EIF3H: variants seen among roughly 807,000 people sequenced by gnomAD.
EIF3H encodes the protein eukaryotic translation initiation factor 3 subunit H, also known as eIF-3-gamma.
Under a neutral mutation model 44.2 loss-of-function variants are expected in EIF3H, and 26 were observed. The ratio of observed to expected loss-of-function variants is 0.59; its 90% CI spans 0.43 to 0.82. The LOEUF is 0.82. Among genes scored for constraint, EIF3H ranks in the 40% least tolerant of loss-of-function variants. The pLI is 0.00. For synonymous variants in EIF3H, 166 were observed against 151.9 expected (o/e 1.09, Z -0.68); for missense variants, 359 against 432.8 (o/e 0.83, Z 1.51).
At chr8:116,760,314 T>C (rs1315812584), upstream of EIF3H, among the ~76,000 whole-genome samples, 2 of 152,238 alleles carry the variant, frequency 1.3e-5, no homozygotes, top group Non-Finnish European at 2.9e-5. Context: ...ATTAGCCTCA[T>C]TGAGATCAAT....
intron 2 of EIF3H, among the ~76,000 whole-genome samples, chr8:116,678,037 C>G (rs1348937677): frequency 6.6e-6 from 1 of 152,104 alleles, no homozygotes; most frequent in African/African-American, 2.4e-5. Context: ...CCTCTGATGC[C>G]GAGCCAAAGC....
At chr8:116,655,631 T>A (rs1813475907) in intron 5 of EIF3H, among the ~76,000 whole-genome samples, 1 of 152,190 alleles carries the variant, frequency 6.6e-6, no homozygotes, top group Non-Finnish European at 1.5e-5. Flanking sequence ...GTTCTTCTAA[T>A]ATGAGCAATT....
At chr8:116,743,234 T>C (rs113289393) in intron 1 of EIF3H, among the ~76,000 whole-genome samples, 7 of 151,958 alleles carry the variant, frequency 4.6e-5, no homozygotes, top group African/African-American at 1.7e-4. Context: ...GGGATCACCT[T>C]AAGGCCAGGA....
chr8:116,659,067 TC>T (rs1486982263), intron 2 of EIF3H, 87 bp from the exon 3 acceptor site: 5 of 1,133,436 alleles, frequency 4.4e-6, no homozygotes, highest in Non-Finnish European at 6.1e-6. Flanking sequence ...GAAACAAATG[TC>T]TACATAACAA....
chr8:116,673,815 T>TA (rs1267543537), intron 2 of EIF3H, among the ~76,000 whole-genome samples: 14 of 152,104 alleles, frequency 9.2e-5, no homozygotes, highest in African/African-American at 3.1e-4. Flanking sequence ...CGCATGCCTG[T>TA]AATCCGAGCA....
chr8:116,650,307 G>A (rs1243996182), intron 5 of EIF3H, among the ~76,000 whole-genome samples: 1 of 152,086 alleles, frequency 6.6e-6, no homozygotes, highest in Non-Finnish European at 1.5e-5. Flanking sequence ...CAGCTGCTGT[G>A]GAAAACAGTT....
At chr8:116,749,655 C>T (rs557962454) in intron 1 of EIF3H, among the ~76,000 whole-genome samples, 1 of 151,972 alleles carries the variant, frequency 6.6e-6, no homozygotes, top group Non-Finnish European at 1.5e-5. Flanking sequence ...TTTCTTTTAA[C>T]TCATCTGTAT....
chr8:116,759,583 A>G (rs1292982840), upstream of EIF3H, among the ~76,000 whole-genome samples: 1 of 152,080 alleles, frequency 6.6e-6, no homozygotes, highest in East Asian at 1.9e-4. Context: ...GAGCCCCTAA[A>G]TGTTGTTAAA....
intron 2 of EIF3H, among the ~76,000 whole-genome samples, chr8:116,713,091 G>T (rs1359060759): frequency 2.0e-5 from 3 of 152,014 alleles, no homozygotes; most frequent in African/African-American, 7.2e-5. Flanking sequence ...ATATCTTTAC[G>T]TAAAGTTGTT....
intron 1 of EIF3H, among the ~76,000 whole-genome samples, chr8:116,738,356 G>A (rs1435826698): frequency 6.6e-6 from 1 of 152,158 alleles, no homozygotes; most frequent in African/African-American, 2.4e-5. Context: ...TTGAAAGGAT[G>A]AGAAAAAGAA....
At chr8:116,646,950 T>C (rs1226048356) in intron 6 of EIF3H, among the ~76,000 whole-genome samples, 1 of 152,150 alleles carries the variant, frequency 6.6e-6, no homozygotes, top group Non-Finnish European at 1.5e-5. Flanking sequence ...AGGTAATAAA[T>C]GATTCATCCT....
chr8:116,729,754 A>C (rs1349735182), intron 1 of EIF3H, among the ~76,000 whole-genome samples: 1 of 152,172 alleles, frequency 6.6e-6, no homozygotes, highest in African/African-American at 2.4e-5. Flanking sequence ...AATTAATGCA[A>C]ATCTCTCTCT....
At chr8:116,662,367 G>A (rs117918440) in intron 2 of EIF3H, among the ~76,000 whole-genome samples, 24 of 152,242 alleles carry the variant, frequency 1.6e-4, no homozygotes, top group South Asian at 4.1e-4. Context: ...CTAGAGCTCC[G>A]AAATGAACCA....
intron 2 of EIF3H, among the ~76,000 whole-genome samples, chr8:116,685,957 GAA>G (rs1814068528): frequency 6.6e-6 from 1 of 152,104 alleles, no homozygotes; most frequent in Admixed American, 6.5e-5. Context: ...ACGGCAAACT[GAA>G]AAGTGTTTAG....
upstream of EIF3H, among the ~76,000 whole-genome samples, chr8:116,760,147 G>A (rs1032206335): frequency 2.0e-5 from 3 of 152,320 alleles, no homozygotes; most frequent in South Asian, 4.1e-4. Flanking sequence ...ATTACTTCAT[G>A]ACTCTCTGGA....
chr8:116,752,779 GGGAGGGAGGGAGGGAGGGAAGGAA>G lies in EIF3H; in HGVS notation c.132+2863_132+2886del, dbSNP rs1415209783. ...AGGGAGGGAGGGAGGGAGGGAGGGA[GGGAGGGAGGGAGGGAGGGAAGGAA>G]GGAAGGAAGGAAGGAAGGAAGGAAG... On this transcript the variant is annotated intron_variant, in intron 1 of 7. Transcript: ENST00000521861. 7.1e-4 allele frequency among the ~76,000 whole-genome samples: 38 copies of G among 53,554 alleles called. 2 individuals carry two copies. Among genetic ancestry groups the G allele is most frequent in the African/African-American group, 1.5e-3 (22 of 14,706 alleles). 35.1% of individuals were successfully genotyped at this position (53,554 alleles called of 152,430 possible). A position where few individuals can be genotyped will look rare whatever the true frequency, so the allele number is the denominator to read the frequency against.
At chr8:116,718,757 G>C (rs1316837331) in intron 2 of EIF3H, among the ~76,000 whole-genome samples, 1 of 151,768 alleles carries the variant, frequency 6.6e-6, no homozygotes, top group Non-Finnish European at 1.5e-5. Context: ...AGGGTTGAAA[G>C]ACTACACACT....
At chr8:116,750,219 G>C (rs1008767044) in intron 1 of EIF3H, among the ~76,000 whole-genome samples, 2 of 152,294 alleles carry the variant, frequency 1.3e-5, no homozygotes, top group Non-Finnish European at 2.9e-5. Context: ...GGAGTATACA[G>C]ATTCAAGTTA....
At chr8:116,696,728 T>C (rs914239035) in intron 2 of EIF3H, among the ~76,000 whole-genome samples, 5 of 152,308 alleles carry the variant, frequency 3.3e-5, no homozygotes, top group Admixed American at 1.3e-4. Context: ...TAGCATGATA[T>C]TGAATCTCTA....
Sources: gnomAD v4.1 joint callset for allele counts (sites outside exome capture counted in the v4.1 genomes callset) on GRCh38, gnomAD v4.1.1 for gene constraint, MANE v1.5 for transcripts, NCBI Gene and HGNC (gene_info 2026-07-23, HGNC 2026-07-21) for gene names.